The following B3GALT1 variants were observed in gnomAD, a reference collection of about 807,000 sequenced individuals.
B3GALT1 encodes the protein beta-1,3-galactosyltransferase 1, also known as UDP-Gal:betaGlcNAc beta 1,3-galactosyltransferase, polypeptide 1.
In B3GALT1, 10 loss-of-function variants were observed where a neutral mutation model predicts 23.2. The ratio of observed to expected loss-of-function variants is 0.43; its 90% CI spans 0.27 to 0.73. The LOEUF (loss-of-function observed/expected upper bound fraction) is 0.73, where lower values mean the gene tolerates loss of function less well. Ranked by LOEUF, B3GALT1 falls within the 30% of genes least tolerant of loss-of-function variation. The pLI is 0.21. For missense variants in B3GALT1, 299 were observed against 405.4 expected (o/e 0.74, Z 2.25); for synonymous variants, 156 against 141.5 (o/e 1.10, Z -0.73).
intron 1 of B3GALT1, among the ~76,000 whole-genome samples, chr2:167,481,198 T>C (rs1275359647): frequency 6.8e-6 from 1 of 147,724 alleles, no homozygotes; most frequent in East Asian, 2.2e-4. Flanking sequence ...CATAAAGTCC[T>C]TTTTGCTGCT....
chr2:167,445,812 T>C (rs1698978049), intron 1 of B3GALT1, among the ~76,000 whole-genome samples: 1 of 152,228 alleles, frequency 6.6e-6, no homozygotes, highest in East Asian at 1.9e-4. Context: ...CTTGACTCTT[T>C]ATCCAATTTG....
At chr2:167,432,976 A>C (rs1220273941) in intron 1 of B3GALT1, among the ~76,000 whole-genome samples, 1 of 152,186 alleles carries the variant, frequency 6.6e-6, no homozygotes, top group Non-Finnish European at 1.5e-5. Flanking sequence ...CACTCTTGGT[A>C]TTGTACATTC....
At chr2:167,454,228 CGT>C (rs1699134287) in intron 1 of B3GALT1, among the ~76,000 whole-genome samples, 1 of 138,174 alleles carries the variant, frequency 7.2e-6, no homozygotes, top group Non-Finnish European at 1.6e-5. Context: ...CGCGCGTGCA[CGT>C]GTGTGCATGT....
At chr2:167,760,917 A>G (rs1322783640) in intron 3 of B3GALT1, among the ~76,000 whole-genome samples, 2 of 152,202 alleles carry the variant, frequency 1.3e-5, no homozygotes, top group Non-Finnish European at 2.9e-5. Flanking sequence ...CATTTTTACT[A>G]TATGCACCGT....
rs369439997 is a variant in B3GALT1, at chr2:167,525,131, C to G, written c.-410+34854C>G. 1.1e-4 allele frequency among the ~76,000 whole-genome samples: 17 copies of G among 152,280 alleles called. No homozygotes were observed. In the East Asian group the frequency reaches 1.9e-3, roughly 17 times the overall value. ...AACACATGTTGTTGTATTGCCTTTC[C>G]TGGCAATTGATGCCGATTATACATT... On this transcript the variant is annotated intron_variant, in intron 2 of 4. Coordinates refer to ENST00000392690, the MANE Select transcript of B3GALT1 (RefSeq NM_020981.4).
intron 3 of B3GALT1, among the ~76,000 whole-genome samples, chr2:167,734,890 C>G (rs890190433): frequency 6.6e-6 from 1 of 152,112 alleles, no homozygotes; most frequent in Non-Finnish European, 1.5e-5. Flanking sequence ...TGATTTCCAA[C>G]TATTTTCAAA....
intron 1 of B3GALT1, among the ~76,000 whole-genome samples, chr2:167,438,836 G>A (rs1698830248): frequency 6.6e-6 from 1 of 152,196 alleles, no homozygotes; most frequent in Non-Finnish European, 1.5e-5. Flanking sequence ...AACATTGGCA[G>A]TCTAGTGGAT....
chr2:167,296,285 CTTATT>C (rs575632609), intron 1 of B3GALT1, among the ~76,000 whole-genome samples: 106 of 152,224 alleles, frequency 7.0e-4, no homozygotes, highest in Non-Finnish European at 1.2e-3. Flanking sequence ...TGAAATAAAA[CTTATT>C]TAATTTGTCA....
chr2:167,564,181 TCAGA>T (rs1473676919), intron 2 of B3GALT1, among the ~76,000 whole-genome samples: 1 of 135,280 alleles, frequency 7.4e-6, no homozygotes, highest in Non-Finnish European at 1.6e-5. Context: ...TCCTCACTTC[TCAGA>T]CGGGGCGGCC....
chr2:167,804,741 C>G (rs1398155508), intron 3 of B3GALT1, among the ~76,000 whole-genome samples: 12 of 152,088 alleles, frequency 7.9e-5, no homozygotes, highest in South Asian at 6.2e-4. Flanking sequence ...GGACATTTGG[C>G]TTGGTTCCAA....
At chr2:167,665,224 G>C (rs1342291598) in intron 3 of B3GALT1, among the ~76,000 whole-genome samples, 1 of 147,034 alleles carries the variant, frequency 6.8e-6, no homozygotes, top group Non-Finnish European at 1.5e-5. Flanking sequence ...AGATAATCAT[G>C]TGGTTTTTGT....
chr2:167,508,824 C>G (rs1699961752), intron 2 of B3GALT1, among the ~76,000 whole-genome samples: 1 of 151,914 alleles, frequency 6.6e-6, no homozygotes, highest in Non-Finnish European at 1.5e-5. Context: ...AACACACATT[C>G]AACTTTCTGT....
intron 1 of B3GALT1, among the ~76,000 whole-genome samples, chr2:167,362,082 A>G (rs2105263487): frequency 6.6e-6 from 1 of 152,310 alleles, no homozygotes; most frequent in South Asian, 2.1e-4. Context: ...TCAAAAAACA[A>G]AACAAAATCA....
At chr2:167,706,503 A>G (rs1257643694) in intron 3 of B3GALT1, among the ~76,000 whole-genome samples, 1 of 152,188 alleles carries the variant, frequency 6.6e-6, no homozygotes, top group Non-Finnish European at 1.5e-5. Context: ...AGAGACCAAG[A>G]GCTGCCATTC....
chr2:167,631,320 A>G (rs1397461458), intron 2 of B3GALT1, among the ~76,000 whole-genome samples: 1 of 151,888 alleles, frequency 6.6e-6, no homozygotes, highest in Non-Finnish European at 1.5e-5. Context: ...CCTGGAGAAG[A>G]GAAAAGTTTG....
At chr2:167,460,808 G>C (rs1352618368) in intron 1 of B3GALT1, among the ~76,000 whole-genome samples, 1 of 152,046 alleles carries the variant, frequency 6.6e-6, no homozygotes, top group African/African-American at 2.4e-5. Flanking sequence ...AAAGTTGTAG[G>C]CTATCTCTGT....
chr2:167,464,623 A>G (rs565495071), intron 1 of B3GALT1, among the ~76,000 whole-genome samples: 1 of 152,304 alleles, frequency 6.6e-6, no homozygotes, highest in Admixed American at 6.5e-5. Flanking sequence ...CATTTTTTAG[A>G]TTAAAAACTC....
intron 1 of B3GALT1, among the ~76,000 whole-genome samples, chr2:167,429,106 C>G (rs1023482124): frequency 3.3e-5 from 5 of 151,574 alleles, no homozygotes; most frequent in Non-Finnish European, 7.4e-5. Context: ...GGTGAAACCC[C>G]GTCTCTACTA....
chr2:167,417,045 A>G (rs1574070660), intron 1 of B3GALT1, among the ~76,000 whole-genome samples: 2 of 152,100 alleles, frequency 1.3e-5, no homozygotes. Flanking sequence ...CTTTCAGGCT[A>G]TGGGGATGGA....
Sources: gnomAD v4.1 joint callset for allele counts (sites outside exome capture counted in the v4.1 genomes callset) on GRCh38, gnomAD v4.1.1 for gene constraint, MANE v1.5 for transcripts, NCBI Gene and HGNC (gene_info 2026-07-23, HGNC 2026-07-21) for gene names.